Variants in CDH13 observed in about 807,000 individuals in gnomAD.
CDH13 encodes cadherin 13.
A neutral mutation model predicts 63.8 loss-of-function variants in CDH13; 24 were observed. The observed-to-expected ratio is 0.38, with a 90% CI of 0.27 to 0.53. The LOEUF (loss-of-function observed/expected upper bound fraction) is 0.53, where lower values mean the gene tolerates loss of function less well. Ranked by LOEUF, CDH13 falls within the 20% of genes least tolerant of loss-of-function variation. The probability of loss-of-function intolerance (pLI) is 0.85; values close to 1 mark genes in which losing one functional copy is unlikely to be tolerated. For missense variants in CDH13, 1,049 were observed against 903.1 expected, an observed-to-expected ratio of 1.16 and a Z score of -2.07; for synonymous variants, 503 against 355.3, an observed-to-expected ratio of 1.42 and a Z score of -4.67.
intron 5 of CDH13, among the ~76,000 whole-genome samples, chr16:83,337,394 G>T (rs1254680920): frequency 6.6e-6 from 1 of 152,098 alleles, no homozygotes; most frequent in Non-Finnish European, 1.5e-5. Context: ...TTCAGGAGTT[G>T]AGCCCCTTTT....
At chr16:83,111,820 T>C (rs933705679) in intron 3 of CDH13, among the ~76,000 whole-genome samples, 1 of 152,148 alleles carries the variant, frequency 6.6e-6, no homozygotes, top group African/African-American at 2.4e-5. Context: ...TTATGGAATA[T>C]CAAAAACCTA....
chr16:83,430,679 A>G (rs540020038), intron 6 of CDH13, among the ~76,000 whole-genome samples: 1 of 152,318 alleles, frequency 6.6e-6, no homozygotes, highest in African/African-American at 2.4e-5. Flanking sequence ...AAATTGTAAG[A>G]AAGTTCTTTC....
At chr16:83,152,097 A>T (rs2037007324) in intron 4 of CDH13, among the ~76,000 whole-genome samples, 1 of 152,234 alleles carries the variant, frequency 6.6e-6, no homozygotes, top group South Asian at 2.1e-4. Context: ...GAGGAAAAAA[A>T]AGAGCTGAAG....
chr16:82,791,053 C>G (rs2036272340), intron 1 of CDH13, among the ~76,000 whole-genome samples: 1 of 152,142 alleles, frequency 6.6e-6, no homozygotes, highest in South Asian at 2.1e-4. Context: ...CTGGCTAACA[C>G]AGTGAAATTC....
chr16:82,637,321 CCTT>C (rs1482131791), intron 1 of CDH13, among the ~76,000 whole-genome samples: 2 of 151,964 alleles, frequency 1.3e-5, no homozygotes, highest in Non-Finnish European at 2.9e-5. Context: ...TTCTGCTTTC[CCTT>C]CTTTTCTTCC....
chr16:83,677,292 A>G (rs1313915012), intron 9 of CDH13, among the ~76,000 whole-genome samples: 1 of 152,182 alleles, frequency 6.6e-6, no homozygotes, highest in Non-Finnish European at 1.5e-5. Flanking sequence ...TAGTCCACAC[A>G]GTGGCTGGGG....
intron 5 of CDH13, among the ~76,000 whole-genome samples, chr16:83,280,073 G>A (rs2089120089): frequency 6.6e-6 from 1 of 152,164 alleles, no homozygotes; most frequent in African/African-American, 2.4e-5. Context: ...ATAGTATGCA[G>A]GGTACTGCAG....
intron 4 of CDH13, among the ~76,000 whole-genome samples, chr16:83,205,693 C>G (rs1405051154): frequency 6.6e-6 from 1 of 151,078 alleles, no homozygotes; most frequent in Non-Finnish European, 1.5e-5. Flanking sequence ...CAACCTCCAC[C>G]TCCTGATTTC....
chr16:83,111,755 G>C (rs1186828663), intron 3 of CDH13, among the ~76,000 whole-genome samples: 2 of 152,004 alleles, frequency 1.3e-5, no homozygotes, highest in Non-Finnish European at 2.9e-5. Flanking sequence ...GTCATAACTT[G>C]GCTTCAACAA....
intron 1 of CDH13, among the ~76,000 whole-genome samples, chr16:82,640,533 GA>G (rs1909269488): frequency 1.3e-5 from 2 of 152,296 alleles, no homozygotes; most frequent in African/African-American, 4.8e-5. Flanking sequence ...ATATGTAAAT[GA>G]ATGGGCAGGG....
intron 5 of CDH13, among the ~76,000 whole-genome samples, chr16:83,335,075 C>T (rs1417920534): frequency 6.6e-6 from 1 of 152,172 alleles, no homozygotes; most frequent in East Asian, 1.9e-4. Context: ...CTTAAAAAAT[C>T]TTCCAATCAC....
chr16:83,579,686 G>A (rs555428713), intron 7 of CDH13, among the ~76,000 whole-genome samples: 5 of 152,188 alleles, frequency 3.3e-5, no homozygotes, highest in East Asian at 1.9e-4. Context: ...TCACAAGTGC[G>A]TATTCAGCAC....
intron 3 of CDH13, among the ~76,000 whole-genome samples, chr16:83,053,099 A>T (rs549523224): frequency 6.6e-6 from 1 of 152,322 alleles, no homozygotes; most frequent in South Asian, 2.1e-4. Flanking sequence ...TTAGAGTTGA[A>T]TGAGATAATT....
chr16:83,473,120 A>G (rs2073502915), intron 6 of CDH13, among the ~76,000 whole-genome samples: 1 of 152,198 alleles, frequency 6.6e-6, no homozygotes, highest in Non-Finnish European at 1.5e-5. Context: ...TGTGACCCTA[A>G]TAGAGATCCT....
intron 2 of CDH13, chr16:82,925,812 G>A (rs1219706404): frequency 6.6e-6 from 1 of 151,806 alleles, no homozygotes; most frequent in Non-Finnish European, 1.5e-5. Flanking sequence ...TGATTCACTG[G>A]CTCCAGGTCT....
At chr16:83,518,302 C>T (rs528471414) in intron 7 of CDH13, among the ~76,000 whole-genome samples, 28 of 151,830 alleles carry the variant, frequency 1.8e-4, no homozygotes, top group Non-Finnish European at 3.1e-4. Context: ...TGCCACCACA[C>T]GTGGCTAATT....
At chr16:83,264,875 A>G (rs1364315) in intron 5 of CDH13, among the ~76,000 whole-genome samples, 26,591 of 152,040 alleles carry the variant, frequency 0.17, 2,446 homozygotes, top group East Asian at 0.25. Flanking sequence ...CTGTCAAACT[A>G]TGCACACATT....
intron 3 of CDH13, among the ~76,000 whole-genome samples, chr16:83,110,690 T>G (rs1031685318): frequency 2.0e-5 from 3 of 152,156 alleles, no homozygotes; most frequent in Non-Finnish European, 1.5e-5. Flanking sequence ...ATAACCGAAG[T>G]ACATTTCCAA....
At chr16:83,368,883 GTTATATATATATATATATATATATATAT>G (rs1236105982) in intron 6 of CDH13, among the ~76,000 whole-genome samples, 2 of 25,320 alleles carry the variant, frequency 7.9e-5, no homozygotes, top group African/African-American at 2.0e-4. Flanking sequence ...AGTATTCCAT[GTTATATATATATATATATATATATATAT>G]ATATATATAT....
Sources: gnomAD v4.1 joint callset for allele counts (sites outside exome capture counted in the v4.1 genomes callset) on GRCh38, gnomAD v4.1.1 for gene constraint, MANE v1.5 for transcripts, NCBI Gene and HGNC (gene_info 2026-07-23, HGNC 2026-07-21) for gene names.